Variants in USP25 observed in about 807,000 individuals in gnomAD.
USP25 encodes the protein ubiquitin carboxyl-terminal hydrolase 25.
A neutral mutation model predicts 158.5 loss-of-function variants in USP25; 85 were observed. That is an observed-to-expected ratio of 0.54 (90% CI 0.45 to 0.64). The LOEUF (loss-of-function observed/expected upper bound fraction) is 0.64. Ranked by LOEUF, USP25 falls within the 30% of genes least tolerant of loss-of-function variation. The probability of loss-of-function intolerance (pLI) is 0.00; values close to 1 mark genes in which losing one functional copy is unlikely to be tolerated. For missense variants in USP25, 1,242 were observed against 1,327.3 expected, an observed-to-expected ratio of 0.94 and a Z score of 1.00; for synonymous variants, 464 against 460.4, an observed-to-expected ratio of 1.01 and a Z score of -0.10.
intron 1 of USP25, among the ~76,000 whole-genome samples, chr21:15,741,246 T>G (rs1285982872): frequency 6.6e-6 from 1 of 151,970 alleles, no homozygotes; most frequent in African/African-American, 2.4e-5. Context: ...TAATATTATA[T>G]AAATATTCTC....
At chr21:15,861,893 A>G (rs962318955) in intron 20 of USP25, among the ~76,000 whole-genome samples, 3 of 152,122 alleles carry the variant, frequency 2.0e-5, no homozygotes, top group Non-Finnish European at 4.4e-5. Flanking sequence ...ACACCTATAT[A>G]CTGAAAAATA....
At chr21:15,825,894 A>G (rs1259487325) in intron 12 of USP25, among the ~76,000 whole-genome samples, 1 of 152,192 alleles carries the variant, frequency 6.6e-6, no homozygotes, top group Non-Finnish European at 1.5e-5. Flanking sequence ...TGCCAGATCT[A>G]AAAATAAAAA....
At chr21:15,769,493 T>C (rs539980809) in intron 3 of USP25, among the ~76,000 whole-genome samples, 4 of 152,276 alleles carry the variant, frequency 2.6e-5, no homozygotes, top group South Asian at 2.1e-4. Flanking sequence ...AGATCAAATA[T>C]TATAGATTGT....
rs1307837104 is a variant in USP25 at position 15,874,526 on chromosome 21, A to G, written c.3009A>G (p.Leu1003=). 1.9e-6 allele frequency: 3 copies of G among 1,596,196 alleles called. No homozygotes were observed. Among genetic ancestry groups the G allele is most frequent in the Non-Finnish European group, 2.6e-6 (3 of 1,174,590 alleles). ...CACATTATAGAAGAGAATGTTTGCTAGTAAGTTGAATGCATATAGTATGAT... is the reference window on the plus strand; with the variant it reads ...CACATTATAGAAGAGAATGTTTGCTGGTAAGTTGAATGCATATAGTATGAT... ...LISHYRRECL[L]KLNEQAAELF... is the part of the protein sequence containing the mutation. Residue 1003 remains leucine (L), a splice_region_variant and synonymous_variant, in exon 24 of 26, where the codon CTA becomes CTG. Transcript: ENST00000400183.
In USP25 at chr21:15,831,548, A is replaced by G; in HGVS notation, c.1912A>G (p.Arg638Gly). The G allele has an allele frequency of 6.2e-7, 1 of 1,614,068 alleles. No individual in the cohort carries two copies. The highest frequency in any genetic ancestry group is 1.3e-5 in the African/African-American group (1 of 75,050). ...AAAATCATCATGGGAAGAGCTAGTG[A>G]GGGACTCTTTTGGTGGTTATAGAAA... ...VTKSSWEELV[R>G]DSFGGYRNAS... Residue 638 changes from arginine (R) to glycine (G), a missense_variant, in exon 16 of 26, where the codon AGG (arginine) becomes GGG (glycine). Arg to Gly is a moderately radical substitution (Grantham distance 125). Coordinates refer to ENST00000400183, the MANE Select transcript of USP25 (RefSeq NM_001283041.3).
intron 5 of USP25, among the ~76,000 whole-genome samples, chr21:15,795,728 A>G (rs550129377): frequency 2.6e-5 from 4 of 151,648 alleles, no homozygotes; most frequent in Admixed American, 6.6e-5. Context: ...TAAATTTCCT[A>G]TACACCCACA....
chr21:15,807,753 T>C (rs1015426608), intron 7 of USP25, among the ~76,000 whole-genome samples: 1 of 152,220 alleles, frequency 6.6e-6, no homozygotes, highest in East Asian at 1.9e-4. Context: ...CAGGCTGATC[T>C]CATCTCAAGA....
chr21:15,768,904 T>C (rs1273044535), intron 3 of USP25, among the ~76,000 whole-genome samples: 1 of 152,142 alleles, frequency 6.6e-6, no homozygotes, highest in African/African-American at 2.4e-5. Flanking sequence ...CTTTAAGTGA[T>C]ACACTTGGTT....
Position 15,836,172 on chromosome 21 carries a change from A to G in USP25, c.2194+2624A>G, listed in dbSNP as rs1331750864. 4.6e-5 allele frequency among the ~76,000 whole-genome samples: 7 copies of G among 152,212 alleles called. 1 individual carries two copies. Among genetic ancestry groups the G allele is most frequent in the Non-Finnish European group, 1.0e-4 (7 of 68,038 alleles). ...AAAGGAAATCTTGTTCATAAAATCC[A>G]ACAGAATGATTTTTTTCCTCCCTGC... is the stretch of plus-strand genomic sequence containing the variant. On this transcript the variant is annotated intron_variant, in intron 17 of 25. Coordinates refer to ENST00000400183, the MANE Select transcript of USP25 (RefSeq NM_001283041.3).
intron 4 of USP25, among the ~76,000 whole-genome samples, chr21:15,781,511 A>G (rs1297985670): frequency 1.3e-5 from 2 of 152,178 alleles, no homozygotes; most frequent in African/African-American, 4.8e-5. Context: ...CTTGGCTATC[A>G]TTTCCCTCAC....
At chr21:15,779,753 T>C (rs934207776) in intron 4 of USP25, among the ~76,000 whole-genome samples, 2 of 151,970 alleles carry the variant, frequency 1.3e-5, no homozygotes, top group African/African-American at 4.8e-5. Flanking sequence ...TACATTTTAA[T>C]ATAATTTAAA....
rs1204810554 is a variant in USP25, at chr21:15,766,974, AT to A, written c.268+838del. Among the ~76,000 whole-genome samples the A allele has an allele frequency of 6.6e-6, 1 of 152,022 alleles. No individual in the cohort carries two copies. The highest frequency in any genetic ancestry group is 2.4e-5 in the African/African-American group (1 of 41,424). ...TAATGTTTATTGATAAAATATTTTA[AT>A]TTTTAGTTTTCAGGATAATCTTAGC... is the stretch of plus-strand genomic sequence containing the variant. On this transcript the variant is annotated intron_variant, in intron 3 of 25. Coordinates refer to ENST00000400183, the MANE Select transcript of USP25 (RefSeq NM_001283041.3). The surrounding 1 kb of genome is among the most constrained non-coding windows in gnomAD (Gnocchi z 4.0).
In USP25 at chr21:15,816,020, G is replaced by T. The variant is rs930328496; in HGVS notation, c.932-2678G>T. 6.6e-6 allele frequency among the ~76,000 whole-genome samples: 1 copy of T among 152,050 alleles called. No homozygotes were observed. The highest frequency in any genetic ancestry group is 2.4e-5 in the African/African-American group (1 of 41,398). On this transcript the variant is annotated intron_variant, in intron 9 of 25. Transcript: ENST00000400183. The surrounding 1 kb of genome is among the most constrained non-coding windows in gnomAD (Gnocchi z 4.0). ...AGGACATGAGATTTGGAGGGGCTAG[G>T]GCTGGAATGATGTGGTTCAGCTGTG...
chr21:15,738,992 G>A (rs903896349), intron 1 of USP25, among the ~76,000 whole-genome samples: 5 of 152,154 alleles, frequency 3.3e-5, no homozygotes, highest in African/African-American at 1.2e-4. Flanking sequence ...AGAGTTGTGA[G>A]CCCTTAAAAG....
chr21:15,825,164 G>A (rs1473328486), intron 12 of USP25, 103 bp downstream of exon 12: 3 of 804,972 alleles, frequency 3.7e-6, no homozygotes, highest in Non-Finnish European at 5.8e-6. Flanking sequence ...ATAATTTTAG[G>A]AGTAGTTAAT....
rs2036466454 is a variant in USP25 at position 15,807,804 on chromosome 21, T to C, written c.781-1005T>C. 2.6e-5 allele frequency among the ~76,000 whole-genome samples: 4 copies of C among 152,218 alleles called. No individual in the cohort carries two copies. The South Asian group carries it at 8.3e-4, about 32-fold the overall frequency. On this transcript the variant is annotated intron_variant, in intron 7 of 25. Transcript: ENST00000400183. ...TATTGACAAAGACCATTATTCTAAA[T>C]AGTGTCACATTTTGAGGATCTAGGT...
At chr21:15,742,828 G>GT (rs2032181197) in intron 1 of USP25, among the ~76,000 whole-genome samples, 2 of 152,208 alleles carry the variant, frequency 1.3e-5, no homozygotes, top group African/African-American at 4.8e-5. Context: ...GCCCAGCAGG[G>GT]TGCTCTCAGC....
At position 15,856,320 on chromosome 21, in the gene USP25, AT is replaced by A. The variant is rs552012759; in HGVS notation, c.2547+6449del. Among the ~76,000 whole-genome samples the A allele has an allele frequency of 1.1e-4, 17 of 152,310 alleles. No homozygotes were observed. The South Asian group carries it at 3.1e-3, about 28-fold the overall frequency. ...ACATAATCCAAAATGTAGAATGTAAATGTTTTTCTCTCACTTCCTAATTCTC... is the reference window on the plus strand; with the variant it reads ...ACATAATCCAAAATGTAGAATGTAAAGTTTTTCTCTCACTTCCTAATTCTC... On this transcript the variant is annotated intron_variant, in intron 20 of 25. Coordinates refer to ENST00000400183, the MANE Select transcript of USP25 (RefSeq NM_001283041.3).
intron 17 of USP25, among the ~76,000 whole-genome samples, chr21:15,839,125 A>C (rs1271010696): frequency 6.6e-6 from 1 of 152,182 alleles, no homozygotes; most frequent in East Asian, 1.9e-4. Context: ...CTGGTCATTC[A>C]TGGTGAAATG....
Sources: allele counts gnomAD v4.1 joint callset (sites outside exome capture counted in the v4.1 genomes callset), GRCh38; gene constraint gnomAD v4.1.1; non-coding constraint Gnocchi (gnomAD v3.1); transcripts MANE v1.5; gene names NCBI Gene and HGNC (gene_info 2026-07-23, HGNC 2026-07-21).